PCDH15: variants seen among roughly 807,000 people sequenced by gnomAD.
The protein encoded by PCDH15 is protocadherin related 15, also known as protocadherin-15.
In PCDH15, 129 loss-of-function variants were observed where a neutral mutation model predicts 178.5. The observed-to-expected ratio is 0.72, with a 90% CI of 0.63 to 0.84. The LOEUF (loss-of-function observed/expected upper bound fraction) is 0.84. PCDH15 is among the 40% of genes least tolerant of loss of function. The pLI is 0.00. For synonymous variants in PCDH15, 800 were observed against 732.0 expected, an observed-to-expected ratio of 1.09 and a Z score of -1.50; for missense variants, 2,230 against 2,099.9, an observed-to-expected ratio of 1.06 and a Z score of -1.21.
At chr10:54,767,427 G>C in intron 1 of PCDH15, among the ~76,000 whole-genome samples, 1 of 152,062 alleles carries the variant, frequency 6.6e-6, no homozygotes, top group Admixed American at 6.6e-5. Flanking sequence ...CTCCCATTTA[G>C]AAGAATTCCA....
rs183677181 is a variant in PCDH15 at position 54,256,365 on chromosome 10, A to T, written c.877-19434T>A. Among the ~76,000 whole-genome samples, 354 of 152,326 alleles carry T rather than the reference A, an allele frequency of 2.3e-3. 1 individual carries two copies. The highest frequency in any genetic ancestry group is 8.0e-3 in the African/African-American group (333 of 41,580). ...AATCAGATGGTCAGCTTTACTTAGA[A>T]ATATTTGAGATAGGTTGTCCTAATT... is the stretch of plus-strand genomic sequence containing the variant. On this transcript the variant is annotated intron_variant, in intron 8 of 37. Transcript: ENST00000644397.
At chr10:53,959,509 TA>T (rs1480241349) in intron 23 of PCDH15, among the ~76,000 whole-genome samples, 1 of 152,122 alleles carries the variant, frequency 6.6e-6, no homozygotes. Flanking sequence ...ACTAATTTTT[TA>T]AAAAGTATCC....
chr10:55,442,275 C>T (rs1360747), intron 2 of PCDH15, among the ~76,000 whole-genome samples: 115,544 of 150,986 alleles, frequency 0.77, 45,560 homozygotes, highest in East Asian at 0.99. Flanking sequence ...ATGATGGATA[C>T]TTATTCTAGG....
chr10:53,811,333 C>T (rs1042479303), intron 36 of PCDH15, among the ~76,000 whole-genome samples: 2 of 151,798 alleles, frequency 1.3e-5, no homozygotes, highest in Admixed American at 6.6e-5. Flanking sequence ...GAATTGCAAT[C>T]GATATCAATG....
chr10:55,322,228 C>T (rs1445921475), upstream of PCDH15, among the ~76,000 whole-genome samples: 5 of 152,170 alleles, frequency 3.3e-5, no homozygotes, highest in African/African-American at 1.2e-4. Flanking sequence ...GTAAGAGGTG[C>T]CTTTGCTTTT....
chr10:55,085,666 T>A (rs1414580962), intron 2 of PCDH15, among the ~76,000 whole-genome samples: 2 of 151,842 alleles, frequency 1.3e-5, no homozygotes, highest in African/African-American at 4.8e-5. Context: ...AAACTGTTTT[T>A]ATGCCTCAAA....
chr10:55,063,799 C>T (rs1175862346), intron 2 of PCDH15, among the ~76,000 whole-genome samples: 2 of 152,250 alleles, frequency 1.3e-5, no homozygotes, highest in East Asian at 3.9e-4. Flanking sequence ...TTCACACATA[C>T]TTCATAATCT....
intron 28 of PCDH15, among the ~76,000 whole-genome samples, chr10:53,841,487 A>G (rs2077643063): frequency 6.6e-6 from 1 of 152,168 alleles, no homozygotes; most frequent in Non-Finnish European, 1.5e-5. Flanking sequence ...GACTGAAAGT[A>G]TATTCCCTTA....
intron 2 of PCDH15, among the ~76,000 whole-genome samples, chr10:54,626,928 C>T (rs7079928): frequency 1.6e-4 from 25 of 152,044 alleles, no homozygotes; most frequent in African/African-American, 5.1e-4. Flanking sequence ...TGGGAACTCA[C>T]CTCTTCCATC....
intron 35 of PCDH15, among the ~76,000 whole-genome samples, chr10:53,813,806 A>G (rs949082388): frequency 3.3e-5 from 5 of 152,162 alleles, no homozygotes; most frequent in African/African-American, 1.2e-4. Context: ...ATTTATATAA[A>G]TTTCAAGAAC....
At chr10:54,907,045 C>T (rs995813931) in intron 2 of PCDH15, among the ~76,000 whole-genome samples, 1 of 152,036 alleles carries the variant, frequency 6.6e-6, no homozygotes, top group African/African-American at 2.4e-5. Context: ...TGTATGTGCA[C>T]CATCACTCTG....
chr10:55,282,016 C>T (rs559629496), intron 1 of PCDH15, among the ~76,000 whole-genome samples: 1 of 152,142 alleles, frequency 6.6e-6, no homozygotes, highest in Non-Finnish European at 1.5e-5. Context: ...ACTATTATAT[C>T]CATATTGACT....
chr10:54,468,253 T>A (rs2077661056), intron 3 of PCDH15, among the ~76,000 whole-genome samples: 1 of 151,992 alleles, frequency 6.6e-6, no homozygotes, highest in African/African-American at 2.4e-5. Context: ...ATCATTAGAT[T>A]GTTTATTTGA....
At chr10:55,265,059 G>A (rs1327916223) in intron 1 of PCDH15, among the ~76,000 whole-genome samples, 1 of 151,968 alleles carries the variant, frequency 6.6e-6, no homozygotes, top group Non-Finnish European at 1.5e-5. Flanking sequence ...CTGCTCCTCT[G>A]GGTCCACCCT....
chr10:54,572,147 C>T (rs894871307), intron 2 of PCDH15, among the ~76,000 whole-genome samples: 1 of 152,052 alleles, frequency 6.6e-6, no homozygotes, highest in African/African-American at 2.4e-5. Flanking sequence ...AAATTTTACA[C>T]CTGCCTACAT....
chr10:54,323,308 T>C (rs12243542), intron 7 of PCDH15, among the ~76,000 whole-genome samples: 38,337 of 152,006 alleles, frequency 0.25, 5,269 homozygotes, highest in African/African-American at 0.37. Flanking sequence ...AGTTTGAAGA[T>C]TTCTCAAAGA....
At chr10:54,978,554 A>T (rs1390649660) in intron 2 of PCDH15, among the ~76,000 whole-genome samples, 1 of 152,274 alleles carries the variant, frequency 6.6e-6, no homozygotes, top group African/African-American at 2.4e-5. Flanking sequence ...TTAAAAACAA[A>T]GTTACCCTTT....
chr10:54,253,694 A>G (rs576453748), intron 8 of PCDH15, among the ~76,000 whole-genome samples: 1 of 152,194 alleles, frequency 6.6e-6, no homozygotes, highest in East Asian at 1.9e-4. Flanking sequence ...AGTAATATTA[A>G]AATAATTTTG....
intron 2 of PCDH15, among the ~76,000 whole-genome samples, chr10:54,615,299 G>A (rs1156772558): frequency 5.3e-5 from 8 of 152,014 alleles, no homozygotes; most frequent in Non-Finnish European, 2.9e-5. Flanking sequence ...TTCTTTACCA[G>A]ATACAATGTT....
Sources: allele counts gnomAD v4.1 joint callset (sites outside exome capture counted in the v4.1 genomes callset), GRCh38; gene constraint gnomAD v4.1.1; transcripts MANE v1.5; gene names NCBI Gene and HGNC (gene_info 2026-07-23, HGNC 2026-07-21).